CLTCL1: variants seen among roughly 807,000 people sequenced by gnomAD.
CLTCL1 encodes the protein clathrin heavy chain 2.
A neutral mutation model predicts 190.0 loss-of-function variants in CLTCL1; 159 were observed. The observed-to-expected ratio is 0.84, with a 90% CI of 0.74 to 0.95. The LOEUF (loss-of-function observed/expected upper bound fraction) is 0.95, where lower values mean the gene tolerates loss of function less well. Among genes scored for constraint, CLTCL1 ranks in the 40% least tolerant of loss-of-function variants. The probability of loss-of-function intolerance (pLI) is 0.00; values close to 1 mark genes in which losing one functional copy is unlikely to be tolerated. For synonymous variants in CLTCL1, 752 were observed against 769.6 expected, an observed-to-expected ratio of 0.98 and a Z score of 0.38; for missense variants, 1,878 against 2,033.4, an observed-to-expected ratio of 0.92 and a Z score of 1.47.
At chr22:19,187,848 C>T in intron 28 of CLTCL1, 120 bp from the exon 29 acceptor site, 1 of 1,330,616 alleles carries the variant, frequency 7.5e-7, no homozygotes, top group Non-Finnish European at 1.1e-6. Flanking sequence ...AAGGCCCCTG[C>T]CCATATATCC....
chr22:19,182,001 A>G (rs1231648827), intron 30 of CLTCL1: 1 of 152,192 alleles, frequency 6.6e-6, no homozygotes, highest in Non-Finnish European at 1.5e-5. Context: ...GTGCGCCTCA[A>G]AGTCCTGGGG....
chr22:19,217,009 A>G (rs2085406321), intron 18 of CLTCL1, among the ~76,000 whole-genome samples: 1 of 152,172 alleles, frequency 6.6e-6, no homozygotes, highest in Admixed American at 6.5e-5. Context: ...TTTCATGGCT[A>G]ACACAGCCCT....
At chr22:19,201,305 C>T (rs374606799) in intron 23 of CLTCL1, 24 bp downstream of exon 23, 36 of 1,593,590 alleles carry the variant, frequency 2.3e-5, no homozygotes, top group African/African-American at 1.2e-4. Context: ...CACACTCTGC[C>T]GTCTGCAGTT....
intron 10 of CLTCL1, among the ~76,000 whole-genome samples, chr22:19,232,171 T>G (rs528534553): frequency 4.1e-4 from 63 of 152,278 alleles, no homozygotes; most frequent in Non-Finnish European, 1.9e-4. Flanking sequence ...ATGTAGTAAC[T>G]GGGGTGGGCC....
At chr22:19,221,919 G>A in intron 16 of CLTCL1, 32 bp downstream of exon 16, 1 of 1,610,458 alleles carries the variant, frequency 6.2e-7, no homozygotes, top group Non-Finnish European at 8.5e-7. Context: ...GAATCCAGGG[G>A]TAAGAGAAAA....
chr22:19,253,977 G>A lies in CLTCL1; in HGVS notation c.501C>T (p.Leu167=), dbSNP rs377498267. Residue 167 remains leucine (L), a synonymous_variant, in exon 3 of 33, where the codon CTC becomes CTT. Coordinates refer to ENST00000427926, the MANE Select transcript of CLTCL1 (RefSeq NM_007098.4). ...GGCTTACCTGAGCCGAGATGCCTAC[G>A]AGCAGCAGCCACTTCTGGTACTCAT... ...RTDEYQKWLL[L]VGISAQQNRV... 2.3e-5 allele frequency: 37 copies of A among 1,612,536 alleles called. No individual in the cohort carries two copies. In the East Asian group the frequency reaches 4.7e-4, roughly 20 times the overall value.
At chr22:19,190,771 C>T (rs2084472535) in intron 27 of CLTCL1, among the ~76,000 whole-genome samples, 1 of 151,008 alleles carries the variant, frequency 6.6e-6, no homozygotes, top group African/African-American at 2.4e-5. Context: ...TACAAACCTC[C>T]AATCTTTTTT....
At chr22:19,201,271 G>C in intron 23 of CLTCL1, 58 bp downstream of exon 23, 1 of 1,537,590 alleles carries the variant, frequency 6.5e-7, no homozygotes, top group African/African-American at 1.4e-5. Context: ...GAACGCAAAG[G>C]ACACGGAGAG....
At chr22:19,185,408 G>C (rs1337418411) in intron 29 of CLTCL1, among the ~76,000 whole-genome samples, 7 of 150,900 alleles carry the variant, frequency 4.6e-5, no homozygotes, top group South Asian at 2.1e-4. Flanking sequence ...CTCACTGCAA[G>C]CTCTGCCTCC....
intron 4 of CLTCL1, among the ~76,000 whole-genome samples, chr22:19,239,698 T>C (rs550141638): frequency 6.6e-6 from 1 of 152,316 alleles, no homozygotes; most frequent in East Asian, 1.9e-4. Flanking sequence ...CCAGTCAGAA[T>C]CTGCTGTCCC....
At chr22:19,182,965 C>A (rs1338392113) in intron 30 of CLTCL1, 4 of 239,720 alleles carry the variant, frequency 1.7e-5, no homozygotes, top group Admixed American at 1.5e-4. Flanking sequence ...ACTATGTGTT[C>A]AGCAAAAGGC....
chr22:19,231,690 C>T (rs567804000), intron 10 of CLTCL1, among the ~76,000 whole-genome samples: 1 of 152,164 alleles, frequency 6.6e-6, no homozygotes, highest in South Asian at 2.1e-4. Flanking sequence ...GACAGCTTTA[C>T]AGGAAAATAA....
At chr22:19,239,228 A>C in intron 5 of CLTCL1, 47 bp downstream of exon 5, 1 of 1,415,276 alleles carries the variant, frequency 7.1e-7, no homozygotes, top group Non-Finnish European at 1.0e-6. Flanking sequence ...GAGGTGCTAG[A>C]GTAGATTTTA....
At position 19,232,110 on chromosome 22, in the gene CLTCL1, G is replaced by A. The variant is rs542369038; in HGVS notation, c.1644+366C>T. Among the ~76,000 whole-genome samples the A allele has an allele frequency of 2.6e-5, 4 of 152,258 alleles. No homozygotes were observed. The East Asian group carries it at 5.8e-4, about 22-fold the overall frequency. ...CCCACAGGATGAACATCTGGGGGAC[G>A]CAACAGCACTAGCTCCTGGTGCTCA... On this transcript the variant is annotated intron_variant, in intron 10 of 32. Coordinates refer to ENST00000427926, the MANE Select transcript of CLTCL1 (RefSeq NM_007098.4).
chr22:19,189,958 GT>G (rs1397862629), intron 27 of CLTCL1, among the ~76,000 whole-genome samples: 2 of 151,814 alleles, frequency 1.3e-5, no homozygotes, highest in East Asian at 3.9e-4. Context: ...ATAATTTATT[GT>G]TTTTTTTGAG....
chr22:19,253,337 C>T (rs1231058400), intron 3 of CLTCL1, among the ~76,000 whole-genome samples: 32 of 152,142 alleles, frequency 2.1e-4, no homozygotes, highest in Admixed American at 2.1e-3. Flanking sequence ...GGCCAGCTGA[C>T]CGCCCATTTC....
At chr22:19,291,529 G>T in intron 1 of CLTCL1, 71 bp downstream of exon 1, 1 of 1,258,990 alleles carries the variant, frequency 7.9e-7, no homozygotes, top group South Asian at 2.3e-5. Context: ...GGGGGCGCGG[G>T]GTCAAGCCTG....
intron 9 of CLTCL1, 55 bp from the exon 10 acceptor site, chr22:19,232,653 A>T: frequency 6.4e-7 from 1 of 1,553,680 alleles, no homozygotes; most frequent in South Asian, 1.2e-5. Flanking sequence ...TGGGCATTAG[A>T]AAAGGAAGTT....
At chr22:19,191,456 G>A (rs781893600) in intron 26 of CLTCL1, 21 bp from the exon 27 acceptor site, 2 of 1,611,246 alleles carry the variant, frequency 1.2e-6, no homozygotes, top group East Asian at 2.2e-5. Context: ...CAAAGCTGAG[G>A]GTCAGTCCCT....
Sources: allele counts gnomAD v4.1 joint callset (sites outside exome capture counted in the v4.1 genomes callset), GRCh38; gene constraint gnomAD v4.1.1; transcripts MANE v1.5; gene names NCBI Gene and HGNC (gene_info 2026-07-23, HGNC 2026-07-21).